The following ATP8A2 variants were observed in gnomAD, a reference collection of about 807,000 sequenced individuals.
The protein encoded by ATP8A2 is ATPase phospholipid transporting 8A2.
A neutral mutation model predicts 165.6 loss-of-function variants in ATP8A2; 100 were observed. The ratio of observed to expected loss-of-function variants is 0.60; its 90% CI spans 0.51 to 0.71. The LOEUF (loss-of-function observed/expected upper bound fraction) is 0.71, where lower values mean the gene tolerates loss of function less well. Ranked by LOEUF, ATP8A2 falls within the 30% of genes least tolerant of loss-of-function variation. The pLI is 0.00. For missense variants in ATP8A2, 1,227 were observed against 1,479.5 expected, an observed-to-expected ratio of 0.83 and a Z score of 2.80; for synonymous variants, 543 against 548.8, an observed-to-expected ratio of 0.99 and a Z score of 0.15.
chr13:25,395,459 A>G (rs973864949), intron 1 of ATP8A2, among the ~76,000 whole-genome samples: 1 of 152,178 alleles, frequency 6.6e-6, no homozygotes, highest in Admixed American at 6.5e-5. Context: ...ACTTGGAGAA[A>G]AGGCATACAC....
intron 24 of ATP8A2, among the ~76,000 whole-genome samples, chr13:25,644,146 C>A (rs12864970): frequency 0.38 from 58,394 of 151,764 alleles, 11,911 homozygotes; most frequent in Middle Eastern, 0.49. Flanking sequence ...TTGGTGGAAT[C>A]TTTAGGGTTT....
chr13:25,766,959 T>C (rs961241525), intron 25 of ATP8A2, among the ~76,000 whole-genome samples: 62 of 152,352 alleles, frequency 4.1e-4, no homozygotes, highest in African/African-American at 1.5e-3. Flanking sequence ...CTCATTTTCC[T>C]GATCCCACTC....
chr13:25,407,456 G>A (rs1331734476), intron 1 of ATP8A2, among the ~76,000 whole-genome samples: 1 of 152,158 alleles, frequency 6.6e-6, no homozygotes, highest in East Asian at 1.9e-4. Context: ...TTTGCATCAG[G>A]TATGGTAATA....
At chr13:25,899,978 G>A (rs1160971895) in intron 33 of ATP8A2, among the ~76,000 whole-genome samples, 1 of 152,166 alleles carries the variant, frequency 6.6e-6, no homozygotes, top group Admixed American at 6.5e-5. Flanking sequence ...GAGGCACACA[G>A]CTGTGTTCGA....
In ATP8A2 at chr13:25,772,248, C is replaced by A. The variant is rs576171906; in HGVS notation, c.2569-2601C>A. ...CCCTGCCCTCCTAATGTTTTCAGAA[C>A]GACCTCATGATGACAGCATTTTGAT... On this transcript the variant is annotated intron_variant, in intron 26 of 36. Transcript: ENST00000381655. Among the ~76,000 whole-genome samples the A allele has an allele frequency of 1.2e-3, 183 of 152,204 alleles. 1 individual carries two copies. Among genetic ancestry groups the A allele is most frequent in the African/African-American group, 4.2e-3 (174 of 41,532 alleles).
chr13:25,664,772 A>G (rs1046567036), intron 24 of ATP8A2, among the ~76,000 whole-genome samples: 5 of 152,160 alleles, frequency 3.3e-5, no homozygotes, highest in Admixed American at 3.3e-4. Flanking sequence ...TGCTACCTGG[A>G]TTCCTGAGAC....
intron 23 of ATP8A2, among the ~76,000 whole-genome samples, chr13:25,583,255 T>C (rs992474689): frequency 6.6e-6 from 1 of 152,222 alleles, no homozygotes; most frequent in African/African-American, 2.4e-5. Context: ...TTCATATAAG[T>C]TTGGCCTAAA....
chr13:25,376,909 T>G (rs1177208517), intron 1 of ATP8A2, among the ~76,000 whole-genome samples: 4 of 152,250 alleles, frequency 2.6e-5, no homozygotes, highest in Non-Finnish European at 5.9e-5. Flanking sequence ...GCTCTGATTC[T>G]GGACAGAGTG....
intron 27 of ATP8A2, among the ~76,000 whole-genome samples, chr13:25,787,418 T>TC (rs2045057354): frequency 6.6e-6 from 1 of 152,250 alleles, no homozygotes; most frequent in East Asian, 1.9e-4. Context: ...CTGAGTGGTA[T>TC]TCCATTGCAT....
intron 25 of ATP8A2, among the ~76,000 whole-genome samples, chr13:25,725,592 T>C (rs1327745670): frequency 1.3e-5 from 2 of 152,160 alleles, no homozygotes; most frequent in Non-Finnish European, 2.9e-5. Flanking sequence ...AAAATGGCTG[T>C]CTAGTGGAGG....
chr13:25,862,805 G>A (rs1342597701), intron 33 of ATP8A2, among the ~76,000 whole-genome samples: 1 of 152,090 alleles, frequency 6.6e-6, no homozygotes, highest in Non-Finnish European at 1.5e-5. Flanking sequence ...CTGGTTTGTT[G>A]TTATACTCTG....
intron 33 of ATP8A2, among the ~76,000 whole-genome samples, chr13:25,913,503 T>C (rs1954181467): frequency 1.3e-5 from 2 of 152,146 alleles, no homozygotes; most frequent in South Asian, 4.1e-4. Flanking sequence ...AAGATATTGA[T>C]TGTTAGTTCT....
At chr13:25,468,914 A>C in intron 1 of ATP8A2, 63 bp from the exon 2 acceptor site, 1 of 1,581,320 alleles carries the variant, frequency 6.3e-7, no homozygotes, top group South Asian at 1.1e-5. Context: ...CCGCGCTCGC[A>C]GCCTCCCGCC....
In ATP8A2 at chr13:25,729,610, T is replaced by G. The variant is rs1286466733; in HGVS notation, c.2384+30265T>G. Among the ~76,000 whole-genome samples the G allele has an allele frequency of 2.0e-5, 3 of 152,274 alleles. No homozygotes were observed. The East Asian group carries it at 5.8e-4, about 29-fold the overall frequency. On this transcript the variant is annotated intron_variant, in intron 25 of 36. Transcript: ENST00000381655. ...CGTGTGTCTTTTTCCTGGTTTGGTG[T>G]TGTTATTCCCCTGGCAAGGTGTGCA...
At chr13:25,901,795 A>G (rs1379332575) in intron 33 of ATP8A2, among the ~76,000 whole-genome samples, 1 of 152,242 alleles carries the variant, frequency 6.6e-6, no homozygotes, top group African/African-American at 2.4e-5. Flanking sequence ...TGGCTGGGAA[A>G]CTATCTCTAA....
intron 33 of ATP8A2, among the ~76,000 whole-genome samples, chr13:25,937,400 A>G (rs1303251520): frequency 3.8e-5 from 2 of 52,294 alleles, no homozygotes; most frequent in African/African-American, 1.0e-4. Context: ...ATGTAACTCC[A>G]TTGGTTGTGT....
intron 33 of ATP8A2, among the ~76,000 whole-genome samples, chr13:25,912,157 C>G (rs1316663787): frequency 5.7e-4 from 3 of 5,298 alleles, no homozygotes; most frequent in African/African-American, 1.2e-3. Context: ...AAATGTGAGA[C>G]ACACACACAC....
chr13:25,622,902 A>G (rs1188161446), intron 24 of ATP8A2, among the ~76,000 whole-genome samples: 1 of 152,224 alleles, frequency 6.6e-6, no homozygotes, highest in Non-Finnish European at 1.5e-5. Flanking sequence ...ATGTGCTGTC[A>G]TATTAGTTAA....
At chr13:25,592,382 G>A (rs1175171601) in intron 24 of ATP8A2, among the ~76,000 whole-genome samples, 1 of 152,158 alleles carries the variant, frequency 6.6e-6, no homozygotes, top group African/African-American at 2.4e-5. Flanking sequence ...ACAAGCTTAA[G>A]ATAATTTTCT....
Sources: gnomAD v4.1 joint callset for allele counts (sites outside exome capture counted in the v4.1 genomes callset) on GRCh38, gnomAD v4.1.1 for gene constraint, MANE v1.5 for transcripts, NCBI Gene and HGNC (gene_info 2026-07-23, HGNC 2026-07-21) for gene names.